Variants in TMEM131 observed in about 807,000 individuals in gnomAD.
TMEM131 encodes the protein transmembrane protein 131.
In TMEM131, 66 loss-of-function variants were observed where a neutral mutation model predicts 211.6. The ratio of observed to expected loss-of-function variants is 0.31; its 90% CI spans 0.26 to 0.38. The LOEUF (loss-of-function observed/expected upper bound fraction) is 0.38. Ranked by LOEUF, TMEM131 falls within the 10% of genes least tolerant of loss-of-function variation. The pLI, the probability that TMEM131 is intolerant of heterozygous loss-of-function variation, is 1.00. For missense variants in TMEM131, 2,036 were observed against 2,299.3 expected, an observed-to-expected ratio of 0.89 and a Z score of 2.34; for synonymous variants, 844 against 841.3, an observed-to-expected ratio of 1.00 and a Z score of -0.06.
rs1573672104 is a variant in TMEM131, at chr2:97,995,572, G to C, written c.91C>G (p.Arg31Gly). Residue 31 changes from arginine (R) to glycine (G), a missense_variant, in exon 1 of 41, where the codon CGT becomes GGT. Coordinates refer to ENST00000186436, the MANE Select transcript of TMEM131 (RefSeq NM_015348.2). The part of the protein sequence containing the change: ...AGAGLEPAAA[R>G]SGGPRSAAAG... ...GCCGCGCTCCGCGGGCCCCCGCTAC[G>C]GGCGGCCGCAGGTTCCAGCCCGGCC... 1 of 1,304,468 alleles carries C rather than the reference G, an allele frequency of 7.7e-7. No individual in the cohort carries two copies. Among genetic ancestry groups the C allele is most frequent in the Non-Finnish European group, 9.7e-7 (1 of 1,027,086 alleles). 80.8% of individuals were successfully genotyped at this position (1,304,468 alleles called of 1,614,324 possible).
At chr2:97,871,657 A>G (rs1173169813) in intron 4 of TMEM131, among the ~76,000 whole-genome samples, 3 of 152,144 alleles carry the variant, frequency 2.0e-5, no homozygotes, top group African/African-American at 2.4e-5. Flanking sequence ...CCACATCCCT[A>G]TGATTCCATC....
intron 5 of TMEM131, among the ~76,000 whole-genome samples, chr2:97,847,053 C>T (rs988638246): frequency 4.2e-4 from 38 of 90,768 alleles, no homozygotes; most frequent in African/African-American, 1.3e-3. Context: ...ATGGCGCGTG[C>T]CTGTAGTCCC....
chr2:97,859,830 TG>T (rs748835859), intron 4 of TMEM131, among the ~76,000 whole-genome samples: 4 of 152,192 alleles, frequency 2.6e-5, no homozygotes, highest in African/African-American at 4.8e-5. Flanking sequence ...GTAGCAAAGT[TG>T]TGTGAGGAAA....
At chr2:97,983,439 C>A (rs1418203492) in intron 1 of TMEM131, among the ~76,000 whole-genome samples, 2 of 152,144 alleles carry the variant, frequency 1.3e-5, no homozygotes, top group Admixed American at 1.3e-4. Flanking sequence ...CCCTGATAGT[C>A]CCTTCAAGTT....
intron 4 of TMEM131, among the ~76,000 whole-genome samples, chr2:97,868,796 C>T (rs901142566): frequency 1.3e-5 from 2 of 152,134 alleles, no homozygotes; most frequent in African/African-American, 4.8e-5. Context: ...AGTAGAACTC[C>T]TCAAACCAAG....
intron 5 of TMEM131, among the ~76,000 whole-genome samples, chr2:97,853,933 C>T (rs1300969791): frequency 6.6e-6 from 1 of 152,190 alleles, no homozygotes; most frequent in East Asian, 1.9e-4. Flanking sequence ...CTGACAATGA[C>T]AGCAAAGAAC....
chr2:97,807,275 T>C (rs1024328969), intron 19 of TMEM131, among the ~76,000 whole-genome samples: 7 of 152,198 alleles, frequency 4.6e-5, no homozygotes, highest in African/African-American at 1.7e-4. Context: ...CTAAATCTCA[T>C]GCTGAAATGT....
intron 1 of TMEM131, among the ~76,000 whole-genome samples, chr2:97,962,313 C>T (rs1028467109): frequency 6.6e-6 from 1 of 152,114 alleles, no homozygotes; most frequent in African/African-American, 2.4e-5. Context: ...ACCATCCTGG[C>T]CAACAGGGTG....
At chr2:97,812,582 A>G (rs753527468) in intron 16 of TMEM131, 27 bp from the exon 17 acceptor site, 1 of 1,595,802 alleles carries the variant, frequency 6.3e-7, no homozygotes, top group African/African-American at 1.4e-5. Flanking sequence ...GAAAATGATT[A>G]TCACAACACA....
chr2:97,962,365 G>A (rs772431355), intron 1 of TMEM131, among the ~76,000 whole-genome samples: 1 of 152,094 alleles, frequency 6.6e-6, no homozygotes, highest in African/African-American at 2.4e-5. Context: ...TTAGCCGGGC[G>A]TGGTGGCGGG....
intron 4 of TMEM131, among the ~76,000 whole-genome samples, chr2:97,882,030 C>T (rs1393168553): frequency 6.6e-6 from 1 of 152,196 alleles, no homozygotes; most frequent in Non-Finnish European, 1.5e-5. Flanking sequence ...TGAAAATGTA[C>T]AAATTTCATT....
chr2:97,944,600 G>A (rs190490873), intron 1 of TMEM131, among the ~76,000 whole-genome samples: 1 of 152,072 alleles, frequency 6.6e-6, no homozygotes, highest in Non-Finnish European at 1.5e-5. Context: ...AATATAAAAA[G>A]AACTCTTGCA....
intron 13 of TMEM131, 135 bp from the exon 14 acceptor site, chr2:97,814,523 AT>A: frequency 1.1e-6 from 1 of 895,394 alleles, no homozygotes; most frequent in Non-Finnish European, 1.6e-6. Flanking sequence ...GAACTATAAT[AT>A]TTTAGTGATT....
intron 1 of TMEM131, among the ~76,000 whole-genome samples, chr2:97,960,827 T>C (rs1322398837): frequency 6.6e-6 from 1 of 152,144 alleles, no homozygotes; most frequent in Non-Finnish European, 1.5e-5. Flanking sequence ...ATGAGTAATA[T>C]ATAACATCCA....
At chr2:97,865,989 TCTC>T (rs1404361163) in intron 4 of TMEM131, among the ~76,000 whole-genome samples, 1 of 151,738 alleles carries the variant, frequency 6.6e-6, no homozygotes, top group Non-Finnish European at 1.5e-5. Context: ...TTCACGCCAT[TCTC>T]CTGCCTCAGC....
chr2:97,787,712 C>T (rs1007919338), intron 31 of TMEM131, among the ~76,000 whole-genome samples: 1 of 152,170 alleles, frequency 6.6e-6, no homozygotes, highest in African/African-American at 2.4e-5. Context: ...TCTTCTGCAT[C>T]GTGTGGTGCA....
intron 5 of TMEM131, among the ~76,000 whole-genome samples, chr2:97,857,804 G>A (rs1271563299): frequency 3.3e-5 from 5 of 152,156 alleles, no homozygotes; most frequent in Admixed American, 3.3e-4. Context: ...GGCCTCTCTG[G>A]AGCTCGGCCT....
At chr2:97,931,700 G>T (rs1283333633) in intron 1 of TMEM131, among the ~76,000 whole-genome samples, 4 of 152,168 alleles carry the variant, frequency 2.6e-5, no homozygotes, top group Admixed American at 6.5e-5. Flanking sequence ...AAAGGAGAAG[G>T]CTGGACTAGT....
chr2:97,939,224 A>G (rs1172950328), intron 1 of TMEM131, among the ~76,000 whole-genome samples: 1 of 152,238 alleles, frequency 6.6e-6, no homozygotes, highest in Non-Finnish European at 1.5e-5. Flanking sequence ...CCTTCAAAAA[A>G]TCAATGAATC....
Sources: gnomAD v4.1 joint callset for allele counts (sites outside exome capture counted in the v4.1 genomes callset) on GRCh38, gnomAD v4.1.1 for gene constraint, MANE v1.5 for transcripts, NCBI Gene and HGNC (gene_info 2026-07-23, HGNC 2026-07-21) for gene names.